LUZP2: variants seen among roughly 807,000 people sequenced by gnomAD.
LUZP2 encodes the protein leucine zipper protein 2.
A neutral mutation model predicts 51.6 loss-of-function variants in LUZP2; 52 were observed. That is an observed-to-expected ratio of 1.01 (90% CI 0.81 to 1.27). The LOEUF (loss-of-function observed/expected upper bound fraction) is 1.27, where lower values mean the gene tolerates loss of function less well. LUZP2 is among the 50% of genes most tolerant of loss of function. The probability of loss-of-function intolerance (pLI) is 0.00; values close to 1 mark genes in which losing one functional copy is unlikely to be tolerated. For synonymous variants in LUZP2, 154 were observed against 137.3 expected (o/e 1.12, Z -0.85); for missense variants, 436 against 395.4 (o/e 1.10, Z -0.87).
intron 9 of LUZP2, among the ~76,000 whole-genome samples, chr11:25,022,991 G>C (rs1428869292): frequency 6.6e-6 from 1 of 152,134 alleles, no homozygotes; most frequent in Non-Finnish European, 1.5e-5. Flanking sequence ...GCATCCCAGG[G>C]ATGAAGCCCA....
chr11:24,640,972 T>TAGATAC (rs1855259686), intron 1 of LUZP2, among the ~76,000 whole-genome samples: 1 of 58,072 alleles, frequency 1.7e-5, no homozygotes, highest in South Asian at 6.1e-4. Context: ...GATATAGATA[T>TAGATAC]AGATATAGAT....
At chr11:24,848,384 A>C (rs533950158) in intron 5 of LUZP2, among the ~76,000 whole-genome samples, 10 of 152,148 alleles carry the variant, frequency 6.6e-5, no homozygotes, top group African/African-American at 1.9e-4. Flanking sequence ...CAATTTGCTT[A>C]TGTTTGACCA....
At chr11:24,630,307 G>T (rs1265322917) in intron 1 of LUZP2, among the ~76,000 whole-genome samples, 1 of 151,892 alleles carries the variant, frequency 6.6e-6, no homozygotes, top group Admixed American at 6.6e-5. Context: ...TTTCTTCTTG[G>T]ACTTTTATAG....
intron 1 of LUZP2, among the ~76,000 whole-genome samples, chr11:24,504,814 G>A (rs887677156): frequency 6.6e-6 from 1 of 151,966 alleles, no homozygotes; most frequent in African/African-American, 2.4e-5. Flanking sequence ...AGATTCTCCT[G>A]GGGCCAGGGC....
intron 5 of LUZP2, among the ~76,000 whole-genome samples, chr11:24,791,547 T>C (rs1016801075): frequency 7.6e-6 from 1 of 132,048 alleles, no homozygotes; most frequent in Non-Finnish European, 1.5e-5. Context: ...GTTTAAAAGC[T>C]TTTTTTCTTT....
At chr11:24,699,803 T>C (rs1857369389) in intron 1 of LUZP2, among the ~76,000 whole-genome samples, 1 of 149,392 alleles carries the variant, frequency 6.7e-6, no homozygotes, top group African/African-American at 2.4e-5. Flanking sequence ...GTTAATAGAA[T>C]AGAGATGATA....
chr11:24,960,112 G>A (rs1488901213), intron 7 of LUZP2, among the ~76,000 whole-genome samples: 2 of 152,074 alleles, frequency 1.3e-5, no homozygotes, highest in African/African-American at 4.8e-5. Flanking sequence ...ACTTGATCAT[G>A]GTGGATAAGC....
chr11:24,782,471 G>A (rs908777377), intron 5 of LUZP2, among the ~76,000 whole-genome samples: 4 of 151,926 alleles, frequency 2.6e-5, no homozygotes, highest in Non-Finnish European at 5.9e-5. Flanking sequence ...AATGGTCATG[G>A]TATAACAGAG....
rs796954634 is a variant in LUZP2 at position 24,805,030 on chromosome 11, T to C, written c.396+41722T>C. 1.1e-4 allele frequency among the ~76,000 whole-genome samples: 17 copies of C among 151,668 alleles called. No individual in the cohort carries two copies. The Middle Eastern group carries it at 0.01, about 91-fold the overall frequency. ...AACTTTTTTTTTTTTTTTGTATTTT[T>C]AGTAGAGACAGGATGTATTAGACTT... On this transcript the variant is annotated intron_variant, in intron 5 of 11. Coordinates refer to ENST00000336930, the MANE Select transcript of LUZP2 (RefSeq NM_001009909.4).
chr11:25,005,500 G>A (rs1162378325), intron 9 of LUZP2, among the ~76,000 whole-genome samples: 4 of 152,046 alleles, frequency 2.6e-5, no homozygotes, highest in Admixed American at 6.6e-5. Context: ...AAAAAAATGA[G>A]CCATCTCTTT....
intron 1 of LUZP2, among the ~76,000 whole-genome samples, chr11:24,499,039 A>G (rs1310367917): frequency 6.6e-6 from 1 of 152,186 alleles, no homozygotes; most frequent in East Asian, 1.9e-4. Context: ...TTTTCCTTTC[A>G]TGAAAGTGTT....
chr11:24,517,548 T>C (rs1262187989), intron 1 of LUZP2, among the ~76,000 whole-genome samples: 2 of 150,860 alleles, frequency 1.3e-5, no homozygotes, highest in East Asian at 3.9e-4. Flanking sequence ...GTAAGTTTTT[T>C]ATATTTAAAA....
chr11:24,750,600 G>A (rs1211193250), intron 4 of LUZP2, among the ~76,000 whole-genome samples: 1 of 151,986 alleles, frequency 6.6e-6, no homozygotes, highest in African/African-American at 2.4e-5. Flanking sequence ...ATATTAAATA[G>A]GCTCACTTTG....
At chr11:24,952,967 GC>G (rs1855118356) in intron 7 of LUZP2, among the ~76,000 whole-genome samples, 1 of 151,700 alleles carries the variant, frequency 6.6e-6, no homozygotes, top group African/African-American at 2.4e-5. Context: ...TCTCCTGTAA[GC>G]AAATTTGCCA....
chr11:24,605,572 G>C (rs1853888691), intron 1 of LUZP2, among the ~76,000 whole-genome samples: 1 of 151,358 alleles, frequency 6.6e-6, no homozygotes, highest in South Asian at 2.1e-4. Flanking sequence ...TTATTTTATT[G>C]AATGGACATT....
intron 1 of LUZP2, among the ~76,000 whole-genome samples, chr11:24,601,872 G>A (rs71458923): frequency 0.039 from 2,677 of 67,942 alleles, 37 homozygotes; most frequent in Middle Eastern, 0.071. Flanking sequence ...ATGTGTATAT[G>A]TATACATGTA....
chr11:24,643,528 G>A (rs372664896), intron 1 of LUZP2, among the ~76,000 whole-genome samples: 16 of 152,048 alleles, frequency 1.1e-4, no homozygotes, highest in Admixed American at 2.0e-4. Flanking sequence ...TTGCTAATGC[G>A]CAGTACAGAT....
intron 1 of LUZP2, among the ~76,000 whole-genome samples, chr11:24,602,247 T>TAC (rs1853739161): frequency 7.5e-6 from 1 of 133,152 alleles, no homozygotes; most frequent in African/African-American, 2.6e-5. Context: ...TATATATGTA[T>TAC]ATATATGCAA....
rs115029461 is a variant in LUZP2, at chr11:24,775,480, G to T, written c.396+12172G>T. 3.8e-3 allele frequency among the ~76,000 whole-genome samples: 582 copies of T among 152,292 alleles called. 2 individuals are homozygous for T. Among genetic ancestry groups the T allele is most frequent in the African/African-American group, 0.013 (542 of 41,558 alleles). On this transcript the variant is annotated intron_variant, in intron 5 of 11. Coordinates refer to ENST00000336930, the MANE Select transcript of LUZP2 (RefSeq NM_001009909.4). ...ATATAAAGAAACATAAATCTGAAAAGTTCTCTTAGCTGATACGTCAGCCAG... is the reference window on the plus strand; with the variant it reads ...ATATAAAGAAACATAAATCTGAAAATTTCTCTTAGCTGATACGTCAGCCAG...
Sources: allele counts gnomAD v4.1 joint callset (sites outside exome capture counted in the v4.1 genomes callset), GRCh38; gene constraint gnomAD v4.1.1; transcripts MANE v1.5; gene names NCBI Gene and HGNC (gene_info 2026-07-23, HGNC 2026-07-21).